The following SCAPER variants were observed in gnomAD, a reference collection of about 807,000 sequenced individuals.
The protein encoded by SCAPER is S phase cyclin A-associated protein in the endoplasmic reticulum.
Under a neutral mutation model 182.2 loss-of-function variants are expected in SCAPER, and 98 were observed. That is an observed-to-expected ratio of 0.54 (90% confidence interval 0.46 to 0.64). The LOEUF is 0.64. SCAPER is among the 30% of genes least tolerant of loss of function. The pLI is 0.00. For synonymous variants in SCAPER, 605 were observed against 564.6 expected, an observed-to-expected ratio of 1.07 and a Z score of -1.01; for missense variants, 1,432 against 1,690.0, an observed-to-expected ratio of 0.85 and a Z score of 2.68.
intron 5 of SCAPER, among the ~76,000 whole-genome samples, chr15:76,826,417 T>C (rs1424790779): frequency 1.5e-5 from 1 of 65,092 alleles, no homozygotes; most frequent in African/African-American, 6.4e-5. Context: ...TGTTGTGGGG[T>C]GGGGGGAGGG....
At chr15:76,461,324 A>C (rs1596761846) in intron 25 of SCAPER, among the ~76,000 whole-genome samples, 2 of 138,294 alleles carry the variant, frequency 1.4e-5, no homozygotes, top group African/African-American at 5.1e-5. Flanking sequence ...AGTTACTATT[A>C]CCCAACTTTT....
chr15:76,779,949 A>G (rs929446499), intron 8 of SCAPER, among the ~76,000 whole-genome samples: 17 of 152,206 alleles, frequency 1.1e-4, no homozygotes, highest in Non-Finnish European at 2.2e-4. Context: ...TCCAGTCTGC[A>G]GCTCCCAGCG....
intron 21 of SCAPER, among the ~76,000 whole-genome samples, chr15:76,658,265 C>T (rs1168455818): frequency 1.3e-5 from 2 of 151,964 alleles, no homozygotes; most frequent in Non-Finnish European, 2.9e-5. Context: ...TTCTACACAC[C>T]AACATCCAAG....
At chr15:76,830,910 G>C (rs73445371) in intron 5 of SCAPER, among the ~76,000 whole-genome samples, 1 of 152,074 alleles carries the variant, frequency 6.6e-6, no homozygotes, top group Non-Finnish European at 1.5e-5. Context: ...TGGGAACCCC[G>C]AACAGGGTTG....
intron 8 of SCAPER, among the ~76,000 whole-genome samples, chr15:76,776,941 A>T (rs867928338): frequency 1.3e-5 from 2 of 152,208 alleles, no homozygotes; most frequent in Non-Finnish European, 2.9e-5. Flanking sequence ...TGGCTGAAAA[A>T]TTCCTAAATT....
chr15:76,819,313 T>C (rs1347899951), intron 5 of SCAPER, among the ~76,000 whole-genome samples: 3 of 152,168 alleles, frequency 2.0e-5, no homozygotes, highest in South Asian at 2.1e-4. Flanking sequence ...GATCCCCAAG[T>C]AGCCTAACTG....
At chr15:76,751,665 C>T (rs1466713173) in intron 15 of SCAPER, among the ~76,000 whole-genome samples, 3 of 151,520 alleles carry the variant, frequency 2.0e-5, no homozygotes, top group East Asian at 1.9e-4. Flanking sequence ...TGGGAAAACT[C>T]GACAGCCACA....
chr15:76,764,215 A>T (rs1347784452), intron 14 of SCAPER, among the ~76,000 whole-genome samples: 2 of 152,224 alleles, frequency 1.3e-5, no homozygotes, highest in African/African-American at 2.4e-5. Context: ...GAAGTACAAC[A>T]ACTCTTGGTT....
At chr15:76,478,988 G>A (rs149495350) in intron 24 of SCAPER, among the ~76,000 whole-genome samples, 68 of 151,778 alleles carry the variant, frequency 4.5e-4, no homozygotes, top group African/African-American at 1.5e-3. Flanking sequence ...TCTTTTGTGC[G>A]TTATCATGAG....
chr15:76,458,029 A>G (rs993909449), intron 25 of SCAPER, among the ~76,000 whole-genome samples: 2 of 151,922 alleles, frequency 1.3e-5, no homozygotes, highest in African/African-American at 2.4e-5. Flanking sequence ...TTCTTGAAGG[A>G]TATTTTGATG....
intron 26 of SCAPER, among the ~76,000 whole-genome samples, chr15:76,414,166 G>T (rs1291031406): frequency 6.6e-6 from 1 of 151,928 alleles, no homozygotes; most frequent in Non-Finnish European, 1.5e-5. Context: ...GGTTATACTG[G>T]CATCATAAAA....
chr15:76,452,808 C>T (rs1443131928), intron 25 of SCAPER, among the ~76,000 whole-genome samples: 1 of 151,772 alleles, frequency 6.6e-6, no homozygotes, highest in Non-Finnish European at 1.5e-5. Context: ...CATATAGCCT[C>T]AACTATTAGA....
chr15:76,882,516 T>C (rs1261077428), intron 2 of SCAPER, among the ~76,000 whole-genome samples: 1 of 151,550 alleles, frequency 6.6e-6, no homozygotes, highest in East Asian at 1.9e-4. Flanking sequence ...AACAAAAGCA[T>C]AGTTTATGAC....
rs1056611206 is a variant in SCAPER at position 76,735,944 on chromosome 15, TG to T, written c.1867-2561del. Among the ~76,000 whole-genome samples the T allele has an allele frequency of 1.2e-4, 19 of 152,312 alleles. 1 individual carries two copies. The highest frequency in any genetic ancestry group is 4.1e-4 in the African/African-American group (17 of 41,584). On this transcript the variant is annotated intron_variant, in intron 15 of 31. Coordinates refer to ENST00000563290, the MANE Select transcript of SCAPER (RefSeq NM_020843.4). ...CTATATAGTCAGCCCTCCATATCTGTGGGTTCTGCATCCATGGATTCAATCA... is the reference window on the plus strand; with the variant it reads ...CTATATAGTCAGCCCTCCATATCTGTGGTTCTGCATCCATGGATTCAATCA...
intron 5 of SCAPER, among the ~76,000 whole-genome samples, chr15:76,807,193 G>C (rs1282382444): frequency 6.6e-6 from 1 of 152,124 alleles, no homozygotes; most frequent in African/African-American, 2.4e-5. Context: ...CATTAACTGT[G>C]GATTTTTCAT....
Position 76,665,649 on chromosome 15 carries a change from GT to G in SCAPER, c.2645+3del. 6.3e-7 allele frequency: 1 copy of G among 1,584,464 alleles called. No homozygotes were observed. Among genetic ancestry groups the G allele is most frequent in the Non-Finnish European group, 8.5e-7 (1 of 1,169,694 alleles). On this transcript the variant is annotated splice_donor_region_variant and intron_variant, in intron 21 of 31. Transcript: ENST00000563290. ...TCTTTTGCTTTTAAGGGTATTTAAG[GT>G]ACCTGAAGTTCATCCGGGCTTTTAT... is the stretch of plus-strand genomic sequence containing the variant.
Position 76,883,696 on chromosome 15 carries a change from A to G in SCAPER, c.6+116T>C, listed in dbSNP as rs1175750582. The G allele has an allele frequency of 1.5e-5, 13 of 865,250 alleles. No individual in the cohort carries two copies. In the East Asian group the frequency reaches 4.0e-4, roughly 27 times the overall value. 53.6% of individuals were successfully genotyped at this position (865,250 alleles called of 1,614,324 possible). A position where few individuals can be genotyped will look rare whatever the true frequency, so the allele number is the denominator to read the frequency against. On this transcript the variant is annotated intron_variant, in intron 2 of 31. Transcript: ENST00000563290. ...GCTCACTTTATCACTGTGCTTTATG[A>G]CAATGTGTTCCATAGGGTATCTTGA...
chr15:76,570,532 C>T (rs533149631), intron 23 of SCAPER, among the ~76,000 whole-genome samples: 1 of 123,910 alleles, frequency 8.1e-6, no homozygotes, highest in South Asian at 2.4e-4. Context: ...TTCTGAATTA[C>T]CTGTCACTAT....
chr15:76,879,121 G>A (rs2073372364), intron 2 of SCAPER, among the ~76,000 whole-genome samples: 1 of 151,988 alleles, frequency 6.6e-6, no homozygotes, highest in South Asian at 2.1e-4. Context: ...TTCCTTCTTT[G>A]CCATGCTCCA....
Sources: allele counts gnomAD v4.1 joint callset (sites outside exome capture counted in the v4.1 genomes callset), GRCh38; gene constraint gnomAD v4.1.1; transcripts MANE v1.5; gene names NCBI Gene and HGNC (gene_info 2026-07-23, HGNC 2026-07-21).